The following TNS3 variants were observed in gnomAD, a reference collection of about 807,000 sequenced individuals.
TNS3 encodes the protein tensin 3.
Under a neutral mutation model 140.9 loss-of-function variants are expected in TNS3, and 45 were observed. That is an observed-to-expected ratio of 0.32 (90% confidence interval 0.25 to 0.41). TNS3 has a LOEUF of 0.41. Ranked by LOEUF, TNS3 falls within the 10% of genes least tolerant of loss-of-function variation. The pLI is 1.00. For missense variants in TNS3, 1,716 were observed against 1,906.7 expected (o/e 0.90, Z 1.86); for synonymous variants, 815 against 788.4 (o/e 1.03, Z -0.56).
intron 4 of TNS3, among the ~76,000 whole-genome samples, chr7:47,472,966 G>C (rs1205622883): frequency 1.3e-5 from 2 of 152,148 alleles, no homozygotes; most frequent in Non-Finnish European, 2.9e-5. Flanking sequence ...TTACAGTGCT[G>C]GCCCCACCCC....
chr7:47,400,845 C>T lies in TNS3; in HGVS notation c.793G>A (p.Gly265Arg). 6.2e-7 allele frequency: 1 copy of T among 1,614,266 alleles called. No homozygotes were observed. Residue 265 changes from glycine (G) to arginine (R), a missense_variant, in exon 14 of 31, where the codon GGG becomes AGG. Transcript: ENST00000311160. ...DVIFRLQFHT[G>R]AVQGYGLVFG... is the part of the protein sequence containing the mutation. ...ACCAGCCCGTAGCCCTGCACAGCCC[C>T]AGTGTGAAACTGCAGGCGGAAAATG...
intron 28 of TNS3, among the ~76,000 whole-genome samples, chr7:47,281,244 C>T (rs1368383453): frequency 6.6e-6 from 1 of 152,246 alleles, no homozygotes; most frequent in African/African-American, 2.4e-5. Flanking sequence ...CCAGGCTCAC[C>T]TGACAGCCCT....
chr7:47,303,056 G>A lies in TNS3; in HGVS notation c.3351C>T (p.Ser1117=). 1 of 1,614,206 alleles carries A rather than the reference G, an allele frequency of 6.2e-7. No individual in the cohort carries two copies. The highest frequency in any genetic ancestry group is 8.5e-7 in the Non-Finnish European group (1 of 1,180,034). Residue 1117 remains serine, a synonymous_variant, in exon 22 of 31, where the codon TCC becomes TCT. Transcript: ENST00000311160. ...GDRSLGSVSP[S]SSGFSSPHSG... ...TGTGCGGGCTGGAGAAGCCACTGGA[G>A]GAGGGAGAGACTGAGCCCAAAGAAC...
At chr7:47,398,098 T>G (rs1162948181) in intron 15 of TNS3, among the ~76,000 whole-genome samples, 1 of 152,130 alleles carries the variant, frequency 6.6e-6, no homozygotes, top group Admixed American at 6.5e-5. Flanking sequence ...ACAACCCTCC[T>G]CGATTAAATC....
At chr7:47,292,965 G>A in intron 25 of TNS3, 60 bp from the exon 26 acceptor site, 2 of 1,475,634 alleles carry the variant, frequency 1.4e-6, no homozygotes, top group Non-Finnish European at 1.9e-6. Flanking sequence ...TGTGTGCTCA[G>A]CCAATTTATC....
chr7:47,528,416 C>T lies in TNS3; in HGVS notation c.-153+620G>A, dbSNP rs189736284. Among the ~76,000 whole-genome samples the T allele has an allele frequency of 3.0e-3, 454 of 152,248 alleles. 10 individuals carry two copies. Among genetic ancestry groups the T allele is most frequent in the Admixed American group, 0.026 (404 of 15,298 alleles). ...CAGATGAAATGATGCCAAAGAGCAG[C>T]CCCCGCACTCTCCAAGGACCTGGTC... is the stretch of plus-strand genomic sequence containing the variant. On this transcript the variant is annotated intron_variant, in intron 2 of 30. Transcript: ENST00000311160.
chr7:47,539,485 C>G (rs1163705325), intron 1 of TNS3: 1 of 264,692 alleles, frequency 3.8e-6, no homozygotes, highest in Admixed American at 4.8e-5. Flanking sequence ...CCTCTCCCTG[C>G]CCCCGACTCT....
chr7:47,377,484 A>G (rs1791467487), intron 16 of TNS3, among the ~76,000 whole-genome samples: 1 of 152,204 alleles, frequency 6.6e-6, no homozygotes, highest in African/African-American at 2.4e-5. Flanking sequence ...GGTTTGGGCA[A>G]TAGAAATATT....
chr7:47,417,320 C>T (rs1409042313), intron 10 of TNS3, among the ~76,000 whole-genome samples: 2 of 152,342 alleles, frequency 1.3e-5, no homozygotes, highest in African/African-American at 2.4e-5. Flanking sequence ...GTGGCCTGGC[C>T]GAAATTGTTG....
chr7:47,579,831 C>T, intron 1 of TNS3: 3 of 985,386 alleles, frequency 3.0e-6, no homozygotes, highest in Non-Finnish European at 3.6e-6. Context: ...GTCAGCCCTT[C>T]CACTCACTGT....
chr7:47,297,042 T>A (rs1216407260), intron 24 of TNS3, 40 bp downstream of exon 24: 1 of 1,600,560 alleles, frequency 6.2e-7, no homozygotes, highest in African/African-American at 1.3e-5. Flanking sequence ...AGTTTCTCTG[T>A]GGATGAGCTG....
chr7:47,489,269 C>T lies in TNS3; in HGVS notation c.-114-8128G>A, dbSNP rs558883561. 3.3e-5 allele frequency among the ~76,000 whole-genome samples: 5 copies of T among 152,260 alleles called. No homozygotes were observed. In the South Asian group the frequency reaches 1.0e-3, roughly 32 times the overall value. On this transcript the variant is annotated intron_variant, in intron 3 of 30. Transcript: ENST00000311160. ...CCCAGAATCAGGTCATTATATTTTT[C>T]CTTACAGTTAACAAGCAGCTAGTGA...
chr7:47,568,685 G>A (rs976697857), intron 1 of TNS3, among the ~76,000 whole-genome samples: 4 of 152,198 alleles, frequency 2.6e-5, no homozygotes, highest in Non-Finnish European at 5.9e-5. Flanking sequence ...GTCTATGAGC[G>A]GCTGCTGTGC....
rs1297548540 is a variant in TNS3, at chr7:47,401,032, G to C, written c.724-118C>G. On this transcript the variant is annotated intron_variant, in intron 13 of 30. Coordinates refer to ENST00000311160, the MANE Select transcript of TNS3 (RefSeq NM_022748.12). ...GGCCTCCCCTCTGGACTCTGGCTGG[G>C]AGTTCACGCTTTGGAGTGGAACTTC... 2.1e-6 allele frequency: 3 copies of C among 1,442,144 alleles called. No homozygotes were observed. In the East Asian group the frequency reaches 7.4e-5, roughly 35 times the overall value. The allele number at this position is 1,442,144 out of a possible 1,614,324, so 89.3% of individuals were successfully genotyped here.
intron 1 of TNS3, chr7:47,557,255 G>C (rs1006592662): frequency 4.9e-6 from 2 of 411,160 alleles, no homozygotes; most frequent in African/African-American, 4.1e-5. Context: ...TCTTTCCTCA[G>C]GGTGCAGTCA....
chr7:47,530,955 C>T (rs1271666309), intron 1 of TNS3, among the ~76,000 whole-genome samples: 2 of 150,198 alleles, frequency 1.3e-5, no homozygotes, highest in African/African-American at 4.9e-5. Flanking sequence ...AAAACAACCA[C>T]GGGGCCAAAA....
intron 26 of TNS3, 29 bp from the exon 27 acceptor site, chr7:47,292,061 A>G (rs371787999): frequency 5.7e-5 from 91 of 1,608,712 alleles, no homozygotes; most frequent in Non-Finnish European, 7.1e-5. Context: ...AAATACAGAA[A>G]TGAGTCCTGC....
At chr7:47,382,739 C>A (rs1376060211) in intron 16 of TNS3, among the ~76,000 whole-genome samples, 1 of 149,734 alleles carries the variant, frequency 6.7e-6, no homozygotes, top group East Asian at 2.0e-4. Flanking sequence ...CCTCGAGGAA[C>A]CTGAGTATAG....
chr7:47,382,070 G>T (rs908875232), intron 16 of TNS3, among the ~76,000 whole-genome samples: 2 of 152,124 alleles, frequency 1.3e-5, no homozygotes, highest in African/African-American at 4.8e-5. Flanking sequence ...CCTCCTACAG[G>T]ATACAAATCT....
Sources: allele counts gnomAD v4.1 joint callset (sites outside exome capture counted in the v4.1 genomes callset), GRCh38; gene constraint gnomAD v4.1.1; transcripts MANE v1.5; gene names NCBI Gene and HGNC (gene_info 2026-07-23, HGNC 2026-07-21).